Variants in DIP2B observed in about 807,000 individuals in gnomAD.
The protein encoded by DIP2B is DIP2 acetate--CoA ligase B (putative).
A neutral mutation model predicts 198.0 loss-of-function variants in DIP2B; 76 were observed. That is an observed-to-expected ratio of 0.38 (90% CI 0.32 to 0.46). The LOEUF is 0.46. Ranked by LOEUF, DIP2B falls within the 20% of genes least tolerant of loss-of-function variation. DIP2B has a pLI of 0.99. For missense variants in DIP2B, 1,559 were observed against 1,978.4 expected, an observed-to-expected ratio of 0.79 and a Z score of 4.02; for synonymous variants, 701 against 739.1, an observed-to-expected ratio of 0.95 and a Z score of 0.84.
intron 1 of DIP2B, among the ~76,000 whole-genome samples, chr12:50,596,022 T>G (rs968057705): frequency 3.0e-4 from 45 of 152,332 alleles, no homozygotes; most frequent in Middle Eastern, 3.4e-3. Flanking sequence ...CAGAATAATT[T>G]GATCATACTT....
chr12:50,621,352 T>C (rs1170987216), intron 1 of DIP2B, among the ~76,000 whole-genome samples: 1 of 152,260 alleles, frequency 6.6e-6, no homozygotes, highest in African/African-American at 2.4e-5. Flanking sequence ...CTTTAAGATC[T>C]AGCTGTCAAG....
At chr12:50,596,496 G>A (rs1958879778) in intron 1 of DIP2B, among the ~76,000 whole-genome samples, 1 of 152,214 alleles carries the variant, frequency 6.6e-6, no homozygotes, top group Non-Finnish European at 1.5e-5. Flanking sequence ...CCTGTCTCCA[G>A]GACTGGGAAC....
intron 1 of DIP2B, among the ~76,000 whole-genome samples, chr12:50,579,241 G>A (rs575024369): frequency 6.6e-6 from 1 of 152,262 alleles, no homozygotes; most frequent in South Asian, 2.1e-4. Context: ...AAATGAGCCT[G>A]TTGCTGGCAG....
chr12:50,562,856 T>G (rs978455056), intron 1 of DIP2B, among the ~76,000 whole-genome samples: 1 of 152,182 alleles, frequency 6.6e-6, no homozygotes, highest in African/African-American at 2.4e-5. Context: ...GACTGATTGA[T>G]TGTAATACAA....
intron 1 of DIP2B, among the ~76,000 whole-genome samples, chr12:50,526,819 A>G (rs1456175539): frequency 1.3e-5 from 2 of 151,774 alleles, no homozygotes; most frequent in Non-Finnish European, 2.9e-5. Flanking sequence ...TATTTTTAGT[A>G]GAGACAGGGT....
intron 1 of DIP2B, among the ~76,000 whole-genome samples, chr12:50,542,271 A>G (rs1320844117): frequency 6.6e-6 from 1 of 151,804 alleles, no homozygotes; most frequent in African/African-American, 2.4e-5. Context: ...AAAAAGAAAA[A>G]AAAGAAAAAA....
rs779938771 is a variant in DIP2B at position 50,732,425 on chromosome 12, C to T, written c.3870C>T (p.Pro1290=). ...GTGTGGTGGTGGCGGAGGAGAGGCC[C>T]CGCGTTGCACTCCAGCAGTCCTTCT... ...RTCVVVAEER[P]RVALQQSFSK... is the part of the protein sequence containing the mutation. Residue 1290 remains proline (P), a synonymous_variant, in exon 32 of 38, where the codon CCC becomes CCT. Transcript: ENST00000301180. 51 of 1,614,124 alleles carry T rather than the reference C, an allele frequency of 3.2e-5. No individual in the cohort carries two copies. In the East Asian group the frequency reaches 1.1e-3, roughly 36 times the overall value.
Position 50,745,099 on chromosome 12 carries a change from T to G in DIP2B, c.*260T>G. The stretch of plus-strand genomic sequence containing the variant: ...CATTACTAAAGCAATTACATGCATG[T>G]TGCATTTTTTTCATCTGTTGTACAT... On this transcript the variant is annotated 3_prime_UTR_variant, in exon 38 of 38. Coordinates refer to ENST00000301180, the MANE Select transcript of DIP2B (RefSeq NM_173602.3). 1 of 452,620 alleles carries G rather than the reference T, an allele frequency of 2.2e-6. No individual in the cohort carries two copies. The allele number at this position is 452,620 out of a possible 1,614,324, so 28.0% of individuals were successfully genotyped here.
At chr12:50,625,121 C>CT (rs1288366903) in intron 1 of DIP2B, among the ~76,000 whole-genome samples, 1 of 152,036 alleles carries the variant, frequency 6.6e-6, no homozygotes, top group African/African-American at 2.4e-5. Flanking sequence ...TTAAAAGGTT[C>CT]TTTTTCAGAA....
chr12:50,619,518 G>A (rs1375639211), intron 1 of DIP2B, among the ~76,000 whole-genome samples: 1 of 152,158 alleles, frequency 6.6e-6, no homozygotes, highest in African/African-American at 2.4e-5. Context: ...AGATCGTGAT[G>A]CTTCCTTCTG....
chr12:50,632,075 C>T (rs1350496017), intron 2 of DIP2B, among the ~76,000 whole-genome samples: 1 of 151,974 alleles, frequency 6.6e-6, no homozygotes, highest in Admixed American at 6.6e-5. Flanking sequence ...AGTGATCCTC[C>T]CGCCTCCGCC....
intron 1 of DIP2B, among the ~76,000 whole-genome samples, chr12:50,507,417 C>T (rs1469801037): frequency 2.6e-5 from 4 of 152,146 alleles, no homozygotes; most frequent in African/African-American, 9.7e-5. Context: ...CCAAAAGTCC[C>T]CATATCTGTG....
chr12:50,623,433 ACACACTCTCTCTCT>A (rs1180895143), intron 1 of DIP2B, among the ~76,000 whole-genome samples: 16 of 46,810 alleles, frequency 3.4e-4, no homozygotes, highest in Admixed American at 7.5e-4. Context: ...ACACACACAC[ACACACTCTCTCTCT>A]CTCTCTCTCT....
At chr12:50,572,490 A>G (rs1159548204) in intron 1 of DIP2B, among the ~76,000 whole-genome samples, 1 of 152,198 alleles carries the variant, frequency 6.6e-6, no homozygotes, top group Non-Finnish European at 1.5e-5. Context: ...CAACAACTTG[A>G]TTCAGAAAAC....
intron 23 of DIP2B, among the ~76,000 whole-genome samples, chr12:50,714,806 C>T (rs114670222): frequency 1.8e-3 from 274 of 152,212 alleles, no homozygotes; most frequent in African/African-American, 6.4e-3. Context: ...TAGCCAGGCC[C>T]GGTGGTGCAC....
chr12:50,609,236 A>G (rs932771805), intron 1 of DIP2B, among the ~76,000 whole-genome samples: 8 of 152,384 alleles, frequency 5.2e-5, no homozygotes, highest in Middle Eastern at 3.4e-3. Context: ...TAAAAGTTTT[A>G]GTACCATGGT....
At chr12:50,519,580 C>G (rs901212369) in intron 1 of DIP2B, among the ~76,000 whole-genome samples, 3 of 152,080 alleles carry the variant, frequency 2.0e-5, no homozygotes, top group Admixed American at 1.3e-4. Context: ...ATGGGACAGC[C>G]CTAAATGAAA....
intron 23 of DIP2B, 111 bp downstream of exon 23, chr12:50,714,707 A>G: frequency 2.3e-6 from 3 of 1,320,002 alleles, no homozygotes; most frequent in South Asian, 1.3e-5. Flanking sequence ...TGGGAGGCCA[A>G]GGTGGGAGGG....
At chr12:50,601,340 TGTTTG>T (rs1165499299) in intron 1 of DIP2B, among the ~76,000 whole-genome samples, 2 of 149,232 alleles carry the variant, frequency 1.3e-5, no homozygotes, top group Admixed American at 6.6e-5. Context: ...TATATTTTTT[TGTTTG>T]TTTGTTTGTT....
Sources: gnomAD v4.1 joint callset for allele counts (sites outside exome capture counted in the v4.1 genomes callset) on GRCh38, gnomAD v4.1.1 for gene constraint, MANE v1.5 for transcripts, NCBI Gene and HGNC (gene_info 2026-07-23, HGNC 2026-07-21) for gene names.